Variants in NEB observed in about 807,000 individuals in gnomAD.
NEB encodes nemaline myopathy type 2.
NEB carries 512 observed loss-of-function variants against 952.2 expected under a neutral mutation model. That is an observed-to-expected ratio of 0.54 (90% CI 0.50 to 0.58). The LOEUF is 0.58. Ranked by LOEUF, NEB falls within the 20% of genes least tolerant of loss-of-function variation. The probability of loss-of-function intolerance (pLI) is 0.00; values close to 1 mark genes in which losing one functional copy is unlikely to be tolerated. For missense variants in NEB, 8,428 were observed against 9,231.1 expected, an observed-to-expected ratio of 0.91 and a Z score of 3.56; for synonymous variants, 2,900 against 3,149.8, an observed-to-expected ratio of 0.92 and a Z score of 2.66.
At chr2:151,673,904 C>G (rs1005084458) in intron 36 of NEB, among the ~76,000 whole-genome samples, 5 of 151,748 alleles carry the variant, frequency 3.3e-5, no homozygotes, top group African/African-American at 1.2e-4. Flanking sequence ...ATCTCCTGAC[C>G]TCGTGATCCG....
In NEB at chr2:151,643,148, A is replaced by G; in HGVS notation, c.8160+2T>C. The G allele has an allele frequency of 6.2e-7, 1 of 1,609,312 alleles. No individual in the cohort carries two copies. The highest frequency in any genetic ancestry group is 1.3e-5 in the African/African-American group (1 of 74,968). On this transcript the variant is annotated splice_donor_variant, in intron 58 of 181. Transcript: ENST00000397345. LOFTEE classifies it high-confidence loss of function. ...ACCTCCTCAAACAAACATAGGACTT[A>G]CATGATTCATGGTAATAGCATTGTT...
Position 151,561,075 on chromosome 2 carries a change from C to A in NEB, c.19135G>T (p.Asp6379Tyr). Residue 6379 changes from aspartate (D) to tyrosine (Y), a missense_variant, in exon 123 of 182, where the codon GAC (aspartate) becomes TAC (tyrosine). Asp to Tyr is a radical substitution (Grantham distance 160, BLOSUM62 -3). Transcript: ENST00000397345. The part of the protein sequence containing the change: ...KYKENYHQIK[D>Y]KYTTVLETVD... ...GTTTCTAGAACTGTTGTGTATTTGT[C>A]CTTAATCTGATGATAATTTTCTTTA... 6.2e-7 allele frequency: 1 copy of A among 1,601,410 alleles called. No individual in the cohort carries two copies. Among genetic ancestry groups the A allele is most frequent in the Middle Eastern group, 1.7e-4 (1 of 5,992 alleles).
At chr2:151,611,776 A>G (rs1050061215) in intron 78 of NEB, among the ~76,000 whole-genome samples, 2 of 152,270 alleles carry the variant, frequency 1.3e-5, no homozygotes, top group African/African-American at 2.4e-5. Flanking sequence ...GTGTACCAGC[A>G]TTGCTATGAA....
intron 8 of NEB, among the ~76,000 whole-genome samples, chr2:151,723,746 C>CTTTTTTTTTTTTT (rs1336447502): frequency 1.8e-5 from 1 of 55,912 alleles, no homozygotes; most frequent in African/African-American, 7.3e-5. Flanking sequence ...TACCTGCCTT[C>CTTTTTTTTTTTTT]TTTGTTTTTT....
Position 151,565,079 on chromosome 2 carries a change from A to G in NEB, c.18436T>C (p.Ser6146Pro), listed in dbSNP as rs1231291915. Reference sequence around the variant, plus strand: ...AGTTTTCCCATGTCTTTGGAGTGGGAGATATGTGGTGTATCTGGTGAAAAC... The same window carrying G: ...AGTTTTCCCATGTCTTTGGAGTGGGGGATATGTGGTGTATCTGGTGAAAAC... Reference protein sequence around the residue: ...YTFSPDTPHISHSKDMGKLYS... With the variant: ...YTFSPDTPHIPHSKDMGKLYS... The change falls in exon 117 of 182, where the codon TCC (serine) becomes CCC (proline). Residue 6146 changes from serine to proline, a missense_variant. This residue lies in a region of NEB where 3,374 missense variants were observed against 3,651.5 expected (regional missense o/e 0.92). Coordinates refer to ENST00000397345, the MANE Select transcript of NEB (RefSeq NM_001164508.2). The G allele has an allele frequency of 6.3e-7, 1 of 1,597,026 alleles. No individual in the cohort carries two copies. Among genetic ancestry groups the G allele is most frequent in the Admixed American group, 1.7e-5 (1 of 59,708 alleles).
chr2:151,705,411 G>A (rs2099701467), intron 13 of NEB, among the ~76,000 whole-genome samples: 1 of 152,098 alleles, frequency 6.6e-6, no homozygotes, highest in African/African-American at 2.4e-5. Context: ...GCTTTTAGAT[G>A]TTTAATAAGG....
In NEB at chr2:151,545,924, G is replaced by A; in HGVS notation, c.20541C>T (p.Tyr6847=). The part of the protein sequence containing the change: ...KYKVVLDTPE[Y]RKVQELKTHL... ...GTGTCTTCAGTTCTTGCACTTTTCT[G>A]TATTCTGGAGTGTCAAGCACCACTT... is the stretch of plus-strand genomic sequence containing the variant. The change falls in exon 135 of 182, where the codon TAC becomes TAT. Residue 6847 remains tyrosine, a synonymous_variant. Transcript: ENST00000397345. 1 of 1,604,570 alleles carries A rather than the reference G, an allele frequency of 6.2e-7. No homozygotes were observed. Among genetic ancestry groups the A allele is most frequent in the Non-Finnish European group, 8.5e-7 (1 of 1,175,638 alleles).
At chr2:151,680,900 AT>A in intron 29 of NEB, 72 bp from the exon 30 acceptor site, 1 of 1,224,540 alleles carries the variant, frequency 8.2e-7, no homozygotes. Flanking sequence ...AATCCTTGAA[AT>A]TTATTTTGAA....
At chr2:151,676,964 G>T (rs2099365219) in intron 34 of NEB, among the ~76,000 whole-genome samples, 1 of 152,172 alleles carries the variant, frequency 6.6e-6, no homozygotes, top group South Asian at 2.1e-4. Flanking sequence ...GAATGCTTTT[G>T]ATCTTCTGTA....
intron 23 of NEB, among the ~76,000 whole-genome samples, chr2:151,691,264 C>T (rs985645673): frequency 2.0e-5 from 3 of 152,132 alleles, no homozygotes; most frequent in Non-Finnish European, 2.9e-5. Context: ...CTCCTTAGGC[C>T]GTTCTTCCCT....
intron 144 of NEB, among the ~76,000 whole-genome samples, chr2:151,531,311 T>C (rs2090699368): frequency 2.7e-5 from 1 of 37,196 alleles, no homozygotes; most frequent in Non-Finnish European, 8.3e-5. Flanking sequence ...TTTCTTTCTT[T>C]TTTTTTTTTT....
chr2:151,692,923 T>C (rs2099569915), intron 20 of NEB, among the ~76,000 whole-genome samples: 1 of 152,038 alleles, frequency 6.6e-6, no homozygotes, highest in Non-Finnish European at 1.5e-5. Flanking sequence ...TGAGCCGAGA[T>C]CGTGACACTG....
At chr2:151,672,118 T>A (rs2099308576) in intron 37 of NEB, among the ~76,000 whole-genome samples, 1 of 152,212 alleles carries the variant, frequency 6.6e-6, no homozygotes. Flanking sequence ...AAAGTGGCTC[T>A]CATAGTTAGT....
chr2:151,519,263 G>C (rs2080293671), intron 154 of NEB, among the ~76,000 whole-genome samples, 194 bp from the exon 155 acceptor site: 1 of 152,136 alleles, frequency 6.6e-6, no homozygotes, highest in Non-Finnish European at 1.5e-5. Context: ...ACAAAATGTG[G>C]CATATACATA....
At chr2:151,488,915 C>T (rs1246591979) in intron 181 of NEB, among the ~76,000 whole-genome samples, 3 of 152,004 alleles carry the variant, frequency 2.0e-5, no homozygotes, top group African/African-American at 2.4e-5. Context: ...TATCTATTGC[C>T]ATGCTAAATC....
intron 102 of NEB, 77 bp from the exon 103 acceptor site, chr2:151,581,664 T>G (rs1169092322): frequency 1.3e-5 from 19 of 1,487,530 alleles, no homozygotes; most frequent in Non-Finnish European, 1.5e-5. Context: ...TATAAAGTCA[T>G]AAAACATACT....
chr2:151,621,251 A>G (rs779881408), intron 71 of NEB, among the ~76,000 whole-genome samples: 4 of 152,168 alleles, frequency 2.6e-5, no homozygotes, highest in Non-Finnish European at 5.9e-5. Flanking sequence ...CTTTGCACAA[A>G]TCTTTTACAC....
intron 179 of NEB, among the ~76,000 whole-genome samples, chr2:151,490,975 T>C (rs1414555429): frequency 6.6e-6 from 1 of 152,210 alleles, no homozygotes; most frequent in African/African-American, 2.4e-5. Flanking sequence ...ATGGATTTAC[T>C]TCTGTGTCTT....
rs2153380065 is a variant in NEB, at chr2:151,518,304, C to T, written c.22800+14G>A. The T allele has an allele frequency of 6.4e-7, 1 of 1,560,888 alleles. No homozygotes were observed. The highest frequency in any genetic ancestry group is 8.8e-7 in the Non-Finnish European group (1 of 1,131,662). ...AATGTGCGCCAGAGGAAAAATCGGT[C>T]TTGATCCACTTACTATACTCTGTAA... On this transcript the variant is annotated intron_variant, in intron 156 of 181. Coordinates refer to ENST00000397345, the MANE Select transcript of NEB (RefSeq NM_001164508.2).
Sources: allele counts gnomAD v4.1 joint callset (sites outside exome capture counted in the v4.1 genomes callset), GRCh38; gene constraint gnomAD v4.1.1; regional missense constraint gnomAD v4.1.1; transcripts MANE v1.5; gene names NCBI Gene and HGNC (gene_info 2026-07-23, HGNC 2026-07-21).